PPP1R14C: variants seen among roughly 807,000 people sequenced by gnomAD.
PPP1R14C encodes protein phosphatase 1 regulatory subunit 14C.
In PPP1R14C, 16 loss-of-function variants were observed where a neutral mutation model predicts 20.4. The ratio of observed to expected loss-of-function variants is 0.78; its 90% CI spans 0.53 to 1.19. The LOEUF is 1.19. Among genes scored for constraint, PPP1R14C ranks in the 50% most tolerant of loss-of-function variants. The pLI is 0.00. For synonymous variants in PPP1R14C, 91 were observed against 91.0 expected (o/e 1.00, Z 0.00); for missense variants, 211 against 220.1 (o/e 0.96, Z 0.26).
At chr6:150,149,396 G>A (rs1183424701) in intron 1 of PPP1R14C, among the ~76,000 whole-genome samples, 1 of 151,060 alleles carries the variant, frequency 6.6e-6, no homozygotes, top group Non-Finnish European at 1.5e-5. Flanking sequence ...GGCTATCACG[G>A]CTCATTGCAT....
At chr6:150,174,182 G>C (rs1451311778) in intron 1 of PPP1R14C, among the ~76,000 whole-genome samples, 2 of 152,078 alleles carry the variant, frequency 1.3e-5, no homozygotes, top group African/African-American at 4.8e-5. Flanking sequence ...TAAATTGTGA[G>C]AACACTTACT....
chr6:150,242,252 A>G (rs1475956513), intron 3 of PPP1R14C, among the ~76,000 whole-genome samples: 4 of 152,266 alleles, frequency 2.6e-5, no homozygotes, highest in Non-Finnish European at 4.4e-5. Flanking sequence ...TTGAAAAGGA[A>G]GGAATACTTC....
intron 3 of PPP1R14C, among the ~76,000 whole-genome samples, chr6:150,237,609 A>G (rs1261172937): frequency 6.6e-6 from 1 of 152,212 alleles, no homozygotes; most frequent in Non-Finnish European, 1.5e-5. Context: ...TACAGCACTT[A>G]CTACTCTTTA....
chr6:150,169,637 A>T (rs1201708632), intron 1 of PPP1R14C, among the ~76,000 whole-genome samples: 1 of 152,246 alleles, frequency 6.6e-6, no homozygotes, highest in Admixed American at 6.5e-5. Flanking sequence ...TGAATTGTGA[A>T]TGAAGAAAAT....
intron 1 of PPP1R14C, among the ~76,000 whole-genome samples, chr6:150,189,150 C>T (rs554198891): frequency 8.5e-5 from 13 of 152,296 alleles, no homozygotes; most frequent in African/African-American, 1.9e-4. Flanking sequence ...TGAGCCACCG[C>T]ACCTGGCCCT....
intron 3 of PPP1R14C, among the ~76,000 whole-genome samples, chr6:150,236,631 G>GTGTGTGTC (rs1778363935): frequency 6.6e-6 from 1 of 151,418 alleles, no homozygotes; most frequent in African/African-American, 2.4e-5. Context: ...GTGTGTGTGT[G>GTGTGTGTC]TGTGTGTGCG....
Position 150,174,305 on chromosome 6 carries a change from T to C in PPP1R14C, c.306+30807T>C, listed in dbSNP as rs577434342. 2.4e-4 allele frequency among the ~76,000 whole-genome samples: 37 copies of C among 152,214 alleles called. No individual in the cohort carries two copies. The South Asian group carries it at 3.9e-3, about 16-fold the overall frequency. ...TGCGATCTCGGCTCACTGCAAGCTCTGCCTCCTGGGTTCACACCATTCTCC... is the reference window on the plus strand; with the variant it reads ...TGCGATCTCGGCTCACTGCAAGCTCCGCCTCCTGGGTTCACACCATTCTCC... On this transcript the variant is annotated intron_variant, in intron 1 of 3. Coordinates refer to ENST00000361131, the MANE Select transcript of PPP1R14C (RefSeq NM_030949.3).
chr6:150,174,406 T>TG (rs1287340453), intron 1 of PPP1R14C, among the ~76,000 whole-genome samples: 7 of 149,626 alleles, frequency 4.7e-5, no homozygotes, highest in East Asian at 2.3e-4. Context: ...TTAGTAGAGA[T>TG]GGGGTTTCAC....
In PPP1R14C at chr6:150,249,868, A is replaced by G; in HGVS notation, c.*1048A>G. The G allele has an allele frequency of 4.3e-6, 1 of 234,078 alleles. No homozygotes were observed. Among genetic ancestry groups the G allele is most frequent in the Non-Finnish European group, 8.2e-6 (1 of 121,904 alleles). 14.5% of individuals were successfully genotyped at this position (234,078 alleles called of 1,614,324 possible). A position where few individuals can be genotyped will look rare whatever the true frequency, so the allele number is the denominator to read the frequency against. ...GGTGAGAAAGCCTCACATTCTCTCA[A>G]GACAGTTGCTCTAGGAGCTGAGTTG... is the stretch of plus-strand genomic sequence containing the variant. On this transcript the variant is annotated 3_prime_UTR_variant, in exon 4 of 4. Coordinates refer to ENST00000361131, the MANE Select transcript of PPP1R14C (RefSeq NM_030949.3).
At chr6:150,234,097 A>T (rs1161296307) in intron 3 of PPP1R14C, among the ~76,000 whole-genome samples, 1 of 152,206 alleles carries the variant, frequency 6.6e-6, no homozygotes, top group Non-Finnish European at 1.5e-5. Flanking sequence ...ACCTTATGTC[A>T]AAACAATGTG....
intron 1 of PPP1R14C, among the ~76,000 whole-genome samples, chr6:150,193,341 G>A (rs563103178): frequency 3.9e-5 from 6 of 152,012 alleles, no homozygotes; most frequent in African/African-American, 1.4e-4. Flanking sequence ...ATGGAAAGTT[G>A]CCTATGTCAG....
intron 3 of PPP1R14C, among the ~76,000 whole-genome samples, chr6:150,226,526 T>C (rs1161944395): frequency 6.6e-6 from 1 of 152,100 alleles, no homozygotes; most frequent in Non-Finnish European, 1.5e-5. Context: ...AAATAGAACC[T>C]CCATTGTACT....
At chr6:150,224,904 G>A (rs1778213660) in intron 3 of PPP1R14C, among the ~76,000 whole-genome samples, 1 of 152,056 alleles carries the variant, frequency 6.6e-6, no homozygotes, top group African/African-American at 2.4e-5. Context: ...TGTGAGGAGA[G>A]GGGAAGCATC....
intron 1 of PPP1R14C, among the ~76,000 whole-genome samples, chr6:150,179,475 C>T (rs563581254): frequency 2.4e-3 from 371 of 151,730 alleles, no homozygotes; most frequent in Non-Finnish European, 4.2e-3. Flanking sequence ...ATCTATATAG[C>T]GAGGGTAACA....
At chr6:150,162,173 G>T (rs1777376841) in intron 1 of PPP1R14C, among the ~76,000 whole-genome samples, 1 of 151,776 alleles carries the variant, frequency 6.6e-6, no homozygotes, top group African/African-American at 2.4e-5. Flanking sequence ...TTCTGCCTCA[G>T]CCTCCCGAGC....
chr6:150,179,132 A>C (rs1317359040), intron 1 of PPP1R14C, among the ~76,000 whole-genome samples: 1 of 152,168 alleles, frequency 6.6e-6, no homozygotes, highest in East Asian at 1.9e-4. Flanking sequence ...GTCGCCAAGC[A>C]TGGTGGCTCA....
At chr6:150,230,852 C>G (rs760016386) in intron 3 of PPP1R14C, among the ~76,000 whole-genome samples, 1 of 151,308 alleles carries the variant, frequency 6.6e-6, no homozygotes, top group Non-Finnish European at 1.5e-5. Flanking sequence ...GTAGTTTCCC[C>G]TTTTCCTACT....
intron 1 of PPP1R14C, among the ~76,000 whole-genome samples, chr6:150,162,912 T>C (rs1355415383): frequency 6.6e-6 from 1 of 152,168 alleles, no homozygotes; most frequent in Non-Finnish European, 1.5e-5. Context: ...TTGAGGAAGT[T>C]CATTGCATTT....
chr6:150,208,016 G>C lies in PPP1R14C; in HGVS notation c.307-6728G>C, dbSNP rs146806468. 8.5e-3 allele frequency among the ~76,000 whole-genome samples: 1,297 copies of C among 152,228 alleles called. 23 individuals are homozygous for C. Among genetic ancestry groups the C allele is most frequent in the African/African-American group, 0.03 (1,228 of 41,552 alleles). ...TGAAAAAAGAGATGGGGCAAAGGGG[G>C]CTGATCCACTTTATAACAACCAGCG... On this transcript the variant is annotated intron_variant, in intron 1 of 3. Transcript: ENST00000361131.
Sources: gnomAD v4.1 joint callset for allele counts (sites outside exome capture counted in the v4.1 genomes callset) on GRCh38, gnomAD v4.1.1 for gene constraint, MANE v1.5 for transcripts, NCBI Gene and HGNC (gene_info 2026-07-23, HGNC 2026-07-21) for gene names.